The following NUP93 variants were observed in gnomAD, a reference collection of about 807,000 sequenced individuals.
The protein encoded by NUP93 is nucleoporin 93.
A neutral mutation model predicts 107.8 loss-of-function variants in NUP93; 55 were observed. That is an observed-to-expected ratio of 0.51 (90% CI 0.41 to 0.64). NUP93 has a LOEUF of 0.64. Among genes scored for constraint, NUP93 ranks in the 30% least tolerant of loss-of-function variants. The pLI, the probability that NUP93 is intolerant of heterozygous loss-of-function variation, is 0.00. For missense variants in NUP93, 937 were observed against 1,044.7 expected, an observed-to-expected ratio of 0.90 and a Z score of 1.42; for synonymous variants, 390 against 397.5, an observed-to-expected ratio of 0.98 and a Z score of 0.22.
intron 3 of NUP93, among the ~76,000 whole-genome samples, chr16:56,786,759 G>A (rs572644205): frequency 6.6e-6 from 1 of 152,362 alleles, no homozygotes; most frequent in Admixed American, 6.5e-5. Flanking sequence ...ATGGAGCCAG[G>A]CATTCTGACA....
intron 7 of NUP93, among the ~76,000 whole-genome samples, chr16:56,822,893 G>A (rs1246782468): frequency 1.3e-5 from 2 of 152,150 alleles, no homozygotes; most frequent in African/African-American, 4.8e-5. Flanking sequence ...CATTTGTCTG[G>A]ACATTCTAAA....
chr16:56,770,995 G>A (rs1165123613), intron 3 of NUP93, among the ~76,000 whole-genome samples: 1 of 152,080 alleles, frequency 6.6e-6, no homozygotes, highest in Non-Finnish European at 1.5e-5. Flanking sequence ...CCTTTATTCT[G>A]TAACGGAAAA....
At chr16:56,800,957 T>G (rs1305603228) in intron 4 of NUP93, among the ~76,000 whole-genome samples, 1 of 152,226 alleles carries the variant, frequency 6.6e-6, no homozygotes, top group East Asian at 1.9e-4. Context: ...TTAACTGTGT[T>G]CAAAGAGAAA....
intron 3 of NUP93, chr16:56,782,277 G>C (rs1962531360): frequency 1.4e-5 from 13 of 912,146 alleles, no homozygotes; most frequent in Non-Finnish European, 1.4e-5. Flanking sequence ...TAGAGTGGCA[G>C]CATGTTGTTG....
At chr16:56,790,746 T>C (rs1214516435) in intron 3 of NUP93, among the ~76,000 whole-genome samples, 7 of 152,236 alleles carry the variant, frequency 4.6e-5, no homozygotes, top group Admixed American at 3.9e-4. Context: ...TCTTAGAATG[T>C]GGATACTTCT....
intron 1 of NUP93, chr16:56,747,988 G>T: frequency 3.5e-6 from 1 of 289,160 alleles, no homozygotes; most frequent in Non-Finnish European, 6.6e-6. Flanking sequence ...TTGTTCTGAT[G>T]GCAGAAATCA....
In NUP93 at chr16:56,786,091, A is replaced by AT. The variant is rs1962621307; in HGVS notation, c.298-12381dup. Among the ~76,000 whole-genome samples, 3 of 152,026 alleles carry AT rather than the reference A, an allele frequency of 2.0e-5. No individual in the cohort carries two copies. The South Asian group carries it at 6.2e-4, about 32-fold the overall frequency. On this transcript the variant is annotated intron_variant, in intron 3 of 21. Coordinates refer to ENST00000308159, the MANE Select transcript of NUP93 (RefSeq NM_014669.5). The stretch of plus-strand genomic sequence containing the variant: ...TTCTAGCTCTTTGTGGGTTTTAGTT[A>AT]TTTTATATATAAAATATATATTTTG...
intron 5 of NUP93, among the ~76,000 whole-genome samples, chr16:56,807,079 A>G (rs891209787): frequency 1.4e-4 from 22 of 152,324 alleles, no homozygotes; most frequent in African/African-American, 5.3e-4. Flanking sequence ...GGGTCCCTAC[A>G]TGACATGGTC....
chr16:56,832,434 A>G, intron 12 of NUP93, 46 bp downstream of exon 12: 1 of 1,465,812 alleles, frequency 6.8e-7, no homozygotes, highest in Non-Finnish European at 9.6e-7. Context: ...TGTCCACTTA[A>G]GGTGACTACT....
chr16:56,816,436 G>C (rs1328357524), intron 5 of NUP93, among the ~76,000 whole-genome samples: 1 of 152,294 alleles, frequency 6.6e-6, no homozygotes, highest in South Asian at 2.1e-4. Flanking sequence ...TTGTTCTGCA[G>C]TGCCGTCAGG....
intron 3 of NUP93, chr16:56,783,989 C>A: frequency 1.6e-6 from 1 of 618,528 alleles, no homozygotes; most frequent in Non-Finnish European, 2.0e-6. Flanking sequence ...CGCAGAGGTT[C>A]TGCGTTACAC....
intron 2 of NUP93, among the ~76,000 whole-genome samples, chr16:56,755,501 A>G (rs1962002369): frequency 6.6e-6 from 1 of 151,298 alleles, no homozygotes; most frequent in African/African-American, 2.4e-5. Flanking sequence ...CCTATTGGTC[A>G]GGGGTTGCTT....
chr16:56,752,474 G>A (rs1961940319), intron 2 of NUP93, among the ~76,000 whole-genome samples: 1 of 152,112 alleles, frequency 6.6e-6, no homozygotes, highest in African/African-American at 2.4e-5. Flanking sequence ...AAAATGCAGG[G>A]TAGAGAAAAG....
intron 3 of NUP93, among the ~76,000 whole-genome samples, chr16:56,758,946 T>C (rs1962076373): frequency 6.6e-6 from 1 of 152,220 alleles, no homozygotes; most frequent in South Asian, 2.1e-4. Flanking sequence ...AATCCAAGGC[T>C]CAGAGACATT....
At chr16:56,731,615 C>T (rs1443864266) in intron 1 of NUP93, among the ~76,000 whole-genome samples, 3 of 152,088 alleles carry the variant, frequency 2.0e-5, no homozygotes, top group Non-Finnish European at 2.9e-5. Context: ...ACCATGTTGG[C>T]CAGGCTGGTC....
At chr16:56,780,859 T>G (rs1403953881) in intron 3 of NUP93, among the ~76,000 whole-genome samples, 1 of 152,178 alleles carries the variant, frequency 6.6e-6, no homozygotes, top group Non-Finnish European at 1.5e-5. Context: ...CCTTTTGCAG[T>G]CTGCACCATG....
At chr16:56,808,569 CATTTA>C (rs1963227237) in intron 5 of NUP93, among the ~76,000 whole-genome samples, 3 of 118,262 alleles carry the variant, frequency 2.5e-5, no homozygotes, top group South Asian at 4.9e-4. Flanking sequence ...TATATAAATA[CATTTA>C]TATAAATATT....
chr16:56,815,889 GCTGCTGCTGGTGC>G (rs1242572376), intron 5 of NUP93, among the ~76,000 whole-genome samples: 1 of 139,510 alleles, frequency 7.2e-6, no homozygotes, highest in Non-Finnish European at 1.7e-5. Flanking sequence ...TGCTGCTGCT[GCTGCTGCTGGTGC>G]TGCTGCTGCT....
At chr16:56,759,192 A>G (rs76457822) in intron 3 of NUP93, among the ~76,000 whole-genome samples, 5,393 of 152,302 alleles carry the variant, frequency 0.035, 128 homozygotes, top group East Asian at 0.076. Context: ...GCCACAAGCA[A>G]TTGATAGCTG....
Sources: gnomAD v4.1 joint callset for allele counts (sites outside exome capture counted in the v4.1 genomes callset) on GRCh38, gnomAD v4.1.1 for gene constraint, MANE v1.5 for transcripts, NCBI Gene and HGNC (gene_info 2026-07-23, HGNC 2026-07-21) for gene names.